Variants in ADAMTS9 observed in about 807,000 individuals in gnomAD.
ADAMTS9 encodes A disintegrin and metalloproteinase with thrombospondin motifs 9.
Under a neutral mutation model 257.1 loss-of-function variants are expected in ADAMTS9, and 107 were observed. That is an observed-to-expected ratio of 0.42 (90% CI 0.36 to 0.49). The LOEUF (loss-of-function observed/expected upper bound fraction) is 0.49, where lower values mean the gene tolerates loss of function less well. Ranked by LOEUF, ADAMTS9 falls within the 20% of genes least tolerant of loss-of-function variation. ADAMTS9 has a pLI of 0.03. For synonymous variants in ADAMTS9, 982 were observed against 880.9 expected, an observed-to-expected ratio of 1.11 and a Z score of -2.03; for missense variants, 2,353 against 2,469.1, an observed-to-expected ratio of 0.95 and a Z score of 1.00.
intron 3 of ADAMTS9, among the ~76,000 whole-genome samples, chr3:64,676,420 T>C (rs1043913991): frequency 6.6e-6 from 1 of 152,202 alleles, no homozygotes; most frequent in African/African-American, 2.4e-5. Context: ...AAGTAAAGAC[T>C]GCCTATGTTC....
At chr3:64,558,867 G>T (rs2083377292) in intron 30 of ADAMTS9, among the ~76,000 whole-genome samples, 1 of 152,210 alleles carries the variant, frequency 6.6e-6, no homozygotes, top group Non-Finnish European at 1.5e-5. Flanking sequence ...CTGAGAGGCT[G>T]CCCTGTGGCA....
At chr3:64,628,300 T>A (rs1269135214) in intron 16 of ADAMTS9, among the ~76,000 whole-genome samples, 1 of 152,218 alleles carries the variant, frequency 6.6e-6, no homozygotes, top group East Asian at 1.9e-4. Flanking sequence ...GTGCATTGAT[T>A]AAGTTGACTT....
chr3:64,616,310 T>C (rs1392803874), intron 19 of ADAMTS9, 140 bp from the exon 20 acceptor site: 1 of 863,376 alleles, frequency 1.2e-6, no homozygotes, highest in Non-Finnish European at 1.8e-6. Context: ...CCACAGTCAG[T>C]TGCTAAAATC....
At chr3:64,660,409 C>G (rs116560867) in intron 3 of ADAMTS9, among the ~76,000 whole-genome samples, 1 of 152,114 alleles carries the variant, frequency 6.6e-6, no homozygotes, top group Non-Finnish European at 1.5e-5. Flanking sequence ...ATACAGTGGT[C>G]CCCCCTTTTT....
intron 26 of ADAMTS9, among the ~76,000 whole-genome samples, chr3:64,597,485 G>C (rs546176429): frequency 3.9e-5 from 6 of 152,116 alleles, no homozygotes; most frequent in Non-Finnish European, 8.8e-5. Context: ...AATTACTCCA[G>C]GAAAACATCA....
chr3:64,666,561 C>G (rs141382149), intron 3 of ADAMTS9, among the ~76,000 whole-genome samples: 2 of 152,140 alleles, frequency 1.3e-5, no homozygotes, highest in African/African-American at 4.8e-5. Context: ...GTTTCCATTC[C>G]TCCCCTAAAG....
At chr3:64,578,062 A>G (rs2083898778) in intron 28 of ADAMTS9, among the ~76,000 whole-genome samples, 1 of 152,326 alleles carries the variant, frequency 6.6e-6, no homozygotes, top group Admixed American at 6.5e-5. Flanking sequence ...GGTGGATATT[A>G]ATGCCAACTC....
intron 38 of ADAMTS9, among the ~76,000 whole-genome samples, chr3:64,523,189 G>C (rs988614529): frequency 4.6e-5 from 7 of 152,094 alleles, no homozygotes; most frequent in Admixed American, 6.5e-5. Flanking sequence ...TTTTGGCAAG[G>C]ACTATTGCTT....
intron 2 of ADAMTS9, among the ~76,000 whole-genome samples, chr3:64,683,559 G>A (rs1202001377): frequency 6.6e-6 from 1 of 152,092 alleles, no homozygotes; most frequent in African/African-American, 2.4e-5. Flanking sequence ...TGAGGATTGG[G>A]TTCTTGGAGG....
intron 11 of ADAMTS9, among the ~76,000 whole-genome samples, chr3:64,643,094 C>T (rs1225233103): frequency 6.6e-6 from 1 of 152,170 alleles, no homozygotes; most frequent in Non-Finnish European, 1.5e-5. Context: ...GGCTGTTTGG[C>T]TGAGGCTTAA....
rs1253514987 is a variant in ADAMTS9 at position 64,687,224 on chromosome 3, A to G, written c.116-256T>C. On this transcript the variant is annotated intron_variant, in intron 1 of 39. Transcript: ENST00000498707. The surrounding 1 kb of genome is among the most constrained non-coding windows in gnomAD (Gnocchi z 4.4). ...AATATATATGATTTCAGATATTGATAAATAACCTGAATAAAATAAAACATG... is the reference window on the plus strand; with the variant it reads ...AATATATATGATTTCAGATATTGATGAATAACCTGAATAAAATAAAACATG... Among the ~76,000 whole-genome samples the G allele has an allele frequency of 6.6e-6, 1 of 152,188 alleles. No individual in the cohort carries two copies. The highest frequency in any genetic ancestry group is 1.5e-5 in the Non-Finnish European group (1 of 68,032).
intron 11 of ADAMTS9, among the ~76,000 whole-genome samples, chr3:64,645,737 C>T (rs555475574): frequency 1.8e-4 from 28 of 152,286 alleles, no homozygotes; most frequent in Non-Finnish European, 3.8e-4. Context: ...TTTCTCTGCA[C>T]AGTTCTTCTC....
intron 12 of ADAMTS9, among the ~76,000 whole-genome samples, chr3:64,640,997 G>GT (rs1559805886): frequency 6.6e-6 from 1 of 152,064 alleles, no homozygotes; most frequent in East Asian, 1.9e-4. Context: ...AAAATGTCAG[G>GT]TTGTGGGATG....
intron 33 of ADAMTS9, 105 bp from the exon 34 acceptor site, chr3:64,541,725 G>A (rs1248128389): frequency 1.1e-5 from 17 of 1,561,328 alleles, no homozygotes; most frequent in African/African-American, 2.7e-5. Flanking sequence ...TTAGCAAAGC[G>A]AATGATTTCC....
At chr3:64,622,875 G>A (rs765007340) in intron 16 of ADAMTS9, among the ~76,000 whole-genome samples, 8 of 152,084 alleles carry the variant, frequency 5.3e-5, no homozygotes, top group Non-Finnish European at 7.4e-5. Context: ...AATAAACCTT[G>A]ATCTTGTTAT....
Position 64,550,996 on chromosome 3 carries a change from C to T in ADAMTS9, c.4765G>A (p.Glu1589Lys), listed in dbSNP as rs566603785. 8 of 1,614,082 alleles carry T rather than the reference C, an allele frequency of 5.0e-6. No homozygotes were observed. The highest frequency in any genetic ancestry group is 1.1e-5 in the South Asian group (1 of 91,084). ...KVVCVDDNKN[E>K]VHGARCDVSK... The stretch of plus-strand genomic sequence containing the variant: ...ACGTCACAGCGTGCCCCATGCACCT[C>T]GTTTTTGTTGTCATCCACACACACC... The change falls in exon 31 of 40, where the codon GAG becomes AAG. Residue 1589 changes from glutamate (E) to lysine (K), a missense_variant. Physicochemically the swap from Glu to Lys is moderately conservative, Grantham distance 56 (BLOSUM62 1). Transcript: ENST00000498707.
chr3:64,547,112 G>A (rs566031410), intron 31 of ADAMTS9, among the ~76,000 whole-genome samples, 160 bp from the exon 32 acceptor site: 17 of 152,260 alleles, frequency 1.1e-4, no homozygotes, highest in African/African-American at 3.6e-4. Flanking sequence ...GGCCCTGAGC[G>A]CACAGGAGAC....
intron 39 of ADAMTS9, among the ~76,000 whole-genome samples, chr3:64,518,514 G>A (rs892655276): frequency 6.6e-6 from 1 of 152,126 alleles, no homozygotes; most frequent in African/African-American, 2.4e-5. Flanking sequence ...AATGTACTCA[G>A]GTCAGGGATT....
At position 64,516,938 on chromosome 3, in the gene ADAMTS9, T is replaced by C. The variant is rs1328954586; in HGVS notation, c.*189A>G. 1 of 152,560 alleles carries C rather than the reference T, an allele frequency of 6.6e-6. No homozygotes were observed. Among genetic ancestry groups the C allele is most frequent in the Non-Finnish European group, 1.5e-5 (1 of 68,050 alleles). 9.5% of individuals were successfully genotyped at this position (152,560 alleles called of 1,614,324 possible). A position where few individuals can be genotyped will look rare whatever the true frequency, so the allele number is the denominator to read the frequency against. The stretch of plus-strand genomic sequence containing the variant: ...CATTAGGATAGTCTACATATCTACA[T>C]ACACACATATATGTGTATATATGTA... On this transcript the variant is annotated 3_prime_UTR_variant, in exon 40 of 40. Transcript: ENST00000498707.
Sources: allele counts gnomAD v4.1 joint callset (sites outside exome capture counted in the v4.1 genomes callset), GRCh38; gene constraint gnomAD v4.1.1; non-coding constraint Gnocchi (gnomAD v3.1); transcripts MANE v1.5; gene names NCBI Gene and HGNC (gene_info 2026-07-23, HGNC 2026-07-21).